The following SOBP variants were observed in gnomAD, a reference collection of about 807,000 sequenced individuals.
SOBP encodes the protein sine oculis binding protein homolog.
A neutral mutation model predicts 53.6 loss-of-function variants in SOBP; 4 were observed. The observed-to-expected ratio is 0.07, with a 90% CI of 0.04 to 0.17. SOBP has a LOEUF of 0.17. Among genes scored for constraint, SOBP ranks in the 10% least tolerant of loss-of-function variants. SOBP has a pLI of 1.00. For synonymous variants in SOBP, 584 were observed against 522.6 expected (o/e 1.12, Z -1.60); for missense variants, 1,088 against 1,204.7 (o/e 0.90, Z 1.43).
At position 107,631,679 on chromosome 6, in the gene SOBP, A is replaced by AT. The variant is rs1048063777; in HGVS notation, c.670-1826dup. Among the ~76,000 whole-genome samples, 209 of 151,932 alleles carry AT rather than the reference A, an allele frequency of 1.4e-3. 1 individual carries two copies. Among genetic ancestry groups the AT allele is most frequent in the African/African-American group, 4.9e-3 (203 of 41,436 alleles). On this transcript the variant is annotated intron_variant, in intron 5 of 6. Coordinates refer to ENST00000317357, the MANE Select transcript of SOBP (RefSeq NM_018013.4). ...AACACAGGAGTATATTAGCACTGAA[A>AT]TTTTTTTTTACCACTTTAATAACTG...
rs846966 is a variant in SOBP at position 107,648,773 on chromosome 6, C to T, written c.*4-9434C>T. ...TCCACCTTTTCCTATTTCTGGCAAC[C>T]CTTCCTGGCAAAGTTATTCATCTGT... On this transcript the variant is annotated intron_variant, in intron 6 of 6. Transcript: ENST00000317357. Among the ~76,000 whole-genome samples, 886 of 152,134 alleles carry T rather than the reference C, an allele frequency of 5.8e-3. 13 individuals carry two copies. Among genetic ancestry groups the T allele is most frequent in the African/African-American group, 0.021 (856 of 41,486 alleles).
In SOBP at chr6:107,633,804, A is replaced by G. The variant is rs746205905; in HGVS notation, c.960A>G (p.Gln320=). ...CCTCCCCGGTGGCTACAGCTGGCCA[A>G]AGCCAGGGCCCTGGCCCGTCGGCGT... is the stretch of plus-strand genomic sequence containing the variant. ...KAPSPVATAG[Q]SQGPGPSAST... The change falls in exon 6 of 7, where the codon CAA becomes CAG. Residue 320 remains glutamine (Q), a synonymous_variant. Transcript: ENST00000317357. 4.3e-6 allele frequency: 7 copies of G among 1,613,752 alleles called. No individual in the cohort carries two copies. Among genetic ancestry groups the G allele is most frequent in the African/African-American group, 1.3e-5 (1 of 74,824 alleles).
At chr6:107,542,979 T>G (rs1469672940) in intron 4 of SOBP, among the ~76,000 whole-genome samples, 3 of 152,090 alleles carry the variant, frequency 2.0e-5, no homozygotes, top group African/African-American at 4.8e-5. Flanking sequence ...AGCTCTAGCC[T>G]TAGAGGTAGC....
chr6:107,616,083 GT>G (rs1322392753), intron 5 of SOBP, among the ~76,000 whole-genome samples: 103 of 95,358 alleles, frequency 1.1e-3, no homozygotes, highest in African/African-American at 4.1e-3. Context: ...AGGAAGGGGG[GT>G]GGGGGGGGGG....
At chr6:107,501,273 A>AAAC in intron 1 of SOBP, among the ~76,000 whole-genome samples, 1 of 152,326 alleles carries the variant, frequency 6.6e-6, no homozygotes, top group South Asian at 2.1e-4. Flanking sequence ...TTTTACCCAA[A>AAAC]TGTCTAAAAC....
In SOBP at chr6:107,506,300, A is replaced by C; in HGVS notation, c.294A>C (p.Ile98=). 1.2e-6 allele frequency: 2 copies of C among 1,614,224 alleles called. No individual in the cohort carries two copies. Among genetic ancestry groups the C allele is most frequent in the Non-Finnish European group, 1.7e-6 (2 of 1,180,030 alleles). The part of the protein sequence containing the change: ...PEDSVISPYN[I]STGYSGLATG... Reference sequence around the variant, plus strand: ...ACAGTGTTATTTCACCATACAATATAAGCACAGGCTATTCAGGGCTTGCCA... The same window carrying C: ...ACAGTGTTATTTCACCATACAATATCAGCACAGGCTATTCAGGGCTTGCCA... Residue 98 remains isoleucine, a synonymous_variant, in exon 3 of 7, where the codon ATA becomes ATC. Transcript: ENST00000317357.
chr6:107,541,811 G>A (rs1338901421), intron 4 of SOBP, among the ~76,000 whole-genome samples: 1 of 152,020 alleles, frequency 6.6e-6, no homozygotes, highest in African/African-American at 2.4e-5. Context: ...ATAAACTGTA[G>A]GATTGTATGT....
At chr6:107,578,443 A>T (rs970508534) in intron 4 of SOBP, among the ~76,000 whole-genome samples, 10 of 152,216 alleles carry the variant, frequency 6.6e-5, no homozygotes, top group African/African-American at 2.4e-4. Flanking sequence ...GTGGGAGATC[A>T]TCAGTGTGTG....
At chr6:107,584,232 G>A (rs554394973) in intron 4 of SOBP, among the ~76,000 whole-genome samples, 1 of 150,448 alleles carries the variant, frequency 6.6e-6, no homozygotes, top group South Asian at 2.1e-4. Context: ...TAGAAAGGGA[G>A]GGGGTCAGAC....
rs562182040 is a variant in SOBP at position 107,565,945 on chromosome 6, G to A, written c.574-21135G>A. Among the ~76,000 whole-genome samples the A allele has an allele frequency of 1.8e-4, 27 of 152,308 alleles. No homozygotes were observed. In the South Asian group the frequency reaches 5.4e-3, roughly 30 times the overall value. ...ATAATGTTGTACTTTTCCCCAGTGGGTTTCAGCTCAGTTTGTGTCAGCTTA... is the reference window on the plus strand; with the variant it reads ...ATAATGTTGTACTTTTCCCCAGTGGATTTCAGCTCAGTTTGTGTCAGCTTA... On this transcript the variant is annotated intron_variant, in intron 4 of 6. Transcript: ENST00000317357.
intron 1 of SOBP, among the ~76,000 whole-genome samples, chr6:107,500,608 G>A (rs959671627): frequency 7.3e-5 from 11 of 151,322 alleles, no homozygotes; most frequent in Non-Finnish European, 1.2e-4. Flanking sequence ...TGCAAGCTCC[G>A]CCTCCCGGGT....
chr6:107,493,851 G>A (rs1354496265), intron 1 of SOBP, among the ~76,000 whole-genome samples: 1 of 152,164 alleles, frequency 6.6e-6, no homozygotes, highest in Non-Finnish European at 1.5e-5. Flanking sequence ...TCTTCATGTG[G>A]CTGAGAGCTA....
At chr6:107,497,810 T>C (rs1254460890) in intron 1 of SOBP, among the ~76,000 whole-genome samples, 1 of 152,238 alleles carries the variant, frequency 6.6e-6, no homozygotes, top group African/African-American at 2.4e-5. Context: ...AAAACAATGC[T>C]GAAACATGCA....
rs189368781 is a variant in SOBP, at chr6:107,570,192, A to G, written c.574-16888A>G. Among the ~76,000 whole-genome samples the G allele has an allele frequency of 3.1e-4, 47 of 152,320 alleles. No homozygotes were observed. In the East Asian group the frequency reaches 8.5e-3, roughly 28 times the overall value. The stretch of plus-strand genomic sequence containing the variant: ...GTCTCCTGCAAAGTGTAGCTTACCA[A>G]GCATTTTTATTGGAAAGTAATATTG... On this transcript the variant is annotated intron_variant, in intron 4 of 6. Transcript: ENST00000317357.
At chr6:107,601,377 C>G (rs1165439240) in intron 5 of SOBP, among the ~76,000 whole-genome samples, 5 of 152,312 alleles carry the variant, frequency 3.3e-5, no homozygotes, top group African/African-American at 1.2e-4. Context: ...CTCCAATTTG[C>G]TCTCAACTCC....
rs543201601 is a variant in SOBP at position 107,634,240 on chromosome 6, C to A, written c.1396C>A (p.Pro466Thr). ...LSPHIHPPSTPTMPGNPPGLL... is the reference protein window; with the variant it reads ...LSPHIHPPSTTTMPGNPPGLL... ...GCCCCACATCCACCCCCCGAGCACC[C>A]CCACCATGCCCGGGAACCCCCCAGG... is the stretch of plus-strand genomic sequence containing the variant. Residue 466 changes from proline (P) to threonine (T), a missense_variant, in exon 6 of 7, where the codon CCC (proline) becomes ACC (threonine). Transcript: ENST00000317357. The surrounding 1 kb of genome is among the most constrained non-coding windows in gnomAD (Gnocchi z 4.5). 2.5e-6 allele frequency: 4 copies of A among 1,580,844 alleles called. No individual in the cohort carries two copies. The African/African-American group carries it at 5.4e-5, about 21-fold the overall frequency.
intron 6 of SOBP, among the ~76,000 whole-genome samples, chr6:107,636,965 T>G (rs1412921353): frequency 1.3e-5 from 2 of 152,192 alleles, no homozygotes; most frequent in Non-Finnish European, 2.9e-5. Flanking sequence ...CCAGGCTGTC[T>G]GACTCCAGAG....
At chr6:107,608,418 A>G (rs1310466472) in intron 5 of SOBP, among the ~76,000 whole-genome samples, 1 of 152,122 alleles carries the variant, frequency 6.6e-6, no homozygotes, top group African/African-American at 2.4e-5. Flanking sequence ...TTCTGAGATG[A>G]TGTCTTTTAT....
At chr6:107,607,489 G>T (rs1426078339) in intron 5 of SOBP, among the ~76,000 whole-genome samples, 1 of 152,152 alleles carries the variant, frequency 6.6e-6, no homozygotes, top group Non-Finnish European at 1.5e-5. Context: ...TTAAGTTAAT[G>T]AATATAATTT....
Sources: gnomAD v4.1 joint callset for allele counts (sites outside exome capture counted in the v4.1 genomes callset) on GRCh38, gnomAD v4.1.1 for gene constraint, Gnocchi (gnomAD v3.1) non-coding constraint, MANE v1.5 for transcripts, NCBI Gene and HGNC (gene_info 2026-07-23, HGNC 2026-07-21) for gene names.